Variants in TRIM56 observed in about 807,000 individuals in gnomAD.
The protein encoded by TRIM56 is tripartite motif containing 56.
TRIM56 carries 10 observed loss-of-function variants against 17.1 expected under a neutral mutation model. That is an observed-to-expected ratio of 0.58 (90% CI 0.36 to 0.99). The LOEUF (loss-of-function observed/expected upper bound fraction) is 0.99. Among genes scored for constraint, TRIM56 ranks in the 50% least tolerant of loss-of-function variants. The pLI, the probability that TRIM56 is intolerant of heterozygous loss-of-function variation, is 0.01. For synonymous variants in TRIM56, 503 were observed against 473.5 expected (o/e 1.06, Z -0.81); for missense variants, 923 against 1,052.3 (o/e 0.88, Z 1.70).
chr7:101,085,733 G>A (rs1270617071), intron 1 of TRIM56, among the ~76,000 whole-genome samples, 162 bp downstream of exon 1: 1 of 151,912 alleles, frequency 6.6e-6, no homozygotes, highest in Non-Finnish European at 1.5e-5. Flanking sequence ...AACTGCACTC[G>A]CCTCCCTCCC....
In TRIM56 at chr7:101,093,477, C is replaced by A. The variant is rs867180369; in HGVS notation, c.*3897C>A. On this transcript the variant is annotated 3_prime_UTR_variant, in exon 3 of 3. Transcript: ENST00000306085. ...CAAAGAACCACATAAGCTCTGTACC[C>A]TGGAGGAAATGTATGCAGGCAAGGA... The A allele has an allele frequency of 4.0e-5, 6 of 151,144 alleles. No individual in the cohort carries two copies. Among genetic ancestry groups the A allele is most frequent in the African/African-American group, 1.5e-4 (6 of 41,188 alleles). The allele number at this position is 151,144 out of a possible 1,614,324, so 9.4% of individuals were successfully genotyped here.
In TRIM56 at chr7:101,094,902, G is replaced by A. The variant is rs1183940806; in HGVS notation, c.*5322G>A. 1.3e-5 allele frequency: 2 copies of A among 151,976 alleles called. No individual in the cohort carries two copies. Among genetic ancestry groups the A allele is most frequent in the Non-Finnish European group, 2.9e-5 (2 of 68,028 alleles). The allele number at this position is 151,976 out of a possible 1,614,324, so 9.4% of individuals were successfully genotyped here. On this transcript the variant is annotated 3_prime_UTR_variant, in exon 3 of 3. Transcript: ENST00000306085. ...CCAGCACTGTGATACCTCATAGTAG[G>A]TGCTCAGTGAATGTCTGTGAAGTGA...
chr7:101,096,581 T>C lies in TRIM56; in HGVS notation c.*7001T>C, dbSNP rs1277874282. 1 of 152,228 alleles carries C rather than the reference T, an allele frequency of 6.6e-6. No homozygotes were observed. The highest frequency in any genetic ancestry group is 1.9e-4 in the East Asian group (1 of 5,202). 9.4% of individuals were successfully genotyped at this position (152,228 alleles called of 1,614,324 possible). On this transcript the variant is annotated 3_prime_UTR_variant, in exon 3 of 3. Transcript: ENST00000306085. ...ACATGCCCACTTCACAGAGCTGCTG[T>C]GAGGACTGGATGAGAAATGTAGAGA...
rs1341521024 is a variant in TRIM56, at chr7:101,091,828, C to A, written c.*2248C>A. The A allele has an allele frequency of 3.2e-5, 13 of 407,550 alleles. No homozygotes were observed. The East Asian group carries it at 9.3e-4, about 29-fold the overall frequency. 25.2% of individuals were successfully genotyped at this position (407,550 alleles called of 1,614,324 possible). On this transcript the variant is annotated 3_prime_UTR_variant, in exon 3 of 3. Coordinates refer to ENST00000306085, the MANE Select transcript of TRIM56 (RefSeq NM_030961.3). ...CTCTTTCCATGGTCACGGTCTCCCT[C>A]TGATGCCGAGCCGAAGCTGGACTGT...
At chr7:101,086,174 A>T (rs1795445545) in intron 1 of TRIM56, among the ~76,000 whole-genome samples, 1 of 152,158 alleles carries the variant, frequency 6.6e-6, no homozygotes, top group Admixed American at 6.5e-5. Context: ...GAAGGCCGAG[A>T]CGGGAGGATA....
At position 101,087,470 on chromosome 7, in the gene TRIM56, G is replaced by A. The variant is rs760328889; in HGVS notation, c.158G>A (p.Arg53His). Residue 53 changes from arginine (R) to histidine (H), a missense_variant, in exon 3 of 3, where the codon CGC becomes CAC. By Grantham distance (29) the Arg-to-His change is conservative. This residue lies in a region of TRIM56 where 98 missense variants were observed against 143.6 expected (regional missense o/e 0.68). Coordinates refer to ENST00000306085, the MANE Select transcript of TRIM56 (RefSeq NM_030961.3). Reference sequence around the variant, plus strand: ...CTGGCACAGCTGGCGGATGGCGGCCGCGTCCGCTGCCCCGAGTGCCGCGAG... The same window carrying A: ...CTGGCACAGCTGGCGGATGGCGGCCACGTCCGCTGCCCCGAGTGCCGCGAG... ...DCLAQLADGG[R>H]VRCPECRETV... 28 of 1,613,186 alleles carry A rather than the reference G, an allele frequency of 1.7e-5. No homozygotes were observed. Among genetic ancestry groups the A allele is most frequent in the South Asian group, 1.5e-4 (14 of 91,066 alleles).
At position 101,092,871 on chromosome 7, in the gene TRIM56, C is replaced by G. The variant is rs1169966445; in HGVS notation, c.*3291C>G. ...GCTCATTGAGAACGGGCCATGATGA[C>G]GATGGCGGTTTTGTGGAATAGAAAA... On this transcript the variant is annotated 3_prime_UTR_variant, in exon 3 of 3. Transcript: ENST00000306085. 16 of 174,530 alleles carry G rather than the reference C, an allele frequency of 9.2e-5. No individual in the cohort carries two copies. Among genetic ancestry groups the G allele is most frequent in the Non-Finnish European group, 9.4e-5 (8 of 84,838 alleles). 10.8% of individuals were successfully genotyped at this position (174,530 alleles called of 1,614,324 possible). A position where few individuals can be genotyped will look rare whatever the true frequency, so the allele number is the denominator to read the frequency against.
Position 101,090,833 on chromosome 7 carries a change from T to G in TRIM56, c.*1253T>G, listed in dbSNP as rs1795551874. On this transcript the variant is annotated 3_prime_UTR_variant, in exon 3 of 3. Transcript: ENST00000306085. ...AATCTCTAGGCTCCAACGCTTCTGCTTCGGTGTCTTTCCATTTCCCAGGGT... is the reference window on the plus strand; with the variant it reads ...AATCTCTAGGCTCCAACGCTTCTGCGTCGGTGTCTTTCCATTTCCCAGGGT... The G allele has an allele frequency of 6.6e-6, 1 of 152,194 alleles. No homozygotes were observed. Among genetic ancestry groups the G allele is most frequent in the Non-Finnish European group, 1.5e-5 (1 of 68,054 alleles). 9.4% of individuals were successfully genotyped at this position (152,194 alleles called of 1,614,324 possible).
rs1367556297 is a variant in TRIM56 at position 101,095,447 on chromosome 7, G to A, written c.*5867G>A. 2 of 152,432 alleles carry A rather than the reference G, an allele frequency of 1.3e-5. No homozygotes were observed. Among genetic ancestry groups the A allele is most frequent in the Non-Finnish European group, 1.5e-5 (1 of 68,128 alleles). 9.4% of individuals were successfully genotyped at this position (152,432 alleles called of 1,614,324 possible). On this transcript the variant is annotated 3_prime_UTR_variant, in exon 3 of 3. Transcript: ENST00000306085. ...CTGTGCATGTGGAGGGGGTAACTGG[G>A]AACCGTGTACTGTAGGGGATCGCAC...
chr7:101,087,064 C>T lies in TRIM56; in HGVS notation c.-106C>T. ...CATTTTTACGTTTGCTGGATGTACA[C>T]ACGGAAGTGGAGGAGGAGGAGGAGA... On this transcript the variant is annotated 5_prime_UTR_variant, in exon 2 of 3. Coordinates refer to ENST00000306085, the MANE Select transcript of TRIM56 (RefSeq NM_030961.3). 1.9e-6 allele frequency: 1 copy of T among 538,080 alleles called. No individual in the cohort carries two copies. Among genetic ancestry groups the T allele is most frequent in the Non-Finnish European group, 3.3e-6 (1 of 302,392 alleles). 33.3% of individuals were successfully genotyped at this position (538,080 alleles called of 1,614,324 possible).
rs199673814 is a variant in TRIM56, at chr7:101,088,851, C to G, written c.1539C>G (p.Leu513=). ...GDKRSPRITG[L]CPFGPREILV... is the part of the protein sequence containing the mutation. ...AGCGGTCCCCCCGGATCACCGGGCT[C>G]TGTCCCTTCGGTCCCCGGGAGATCC... Residue 513 remains leucine, a synonymous_variant, in exon 3 of 3, where the codon CTC becomes CTG. Coordinates refer to ENST00000306085, the MANE Select transcript of TRIM56 (RefSeq NM_030961.3). The G allele has an allele frequency of 5.0e-6, 8 of 1,613,884 alleles. No homozygotes were observed. The highest frequency in any genetic ancestry group is 1.1e-5 in the South Asian group (1 of 91,084).
chr7:101,087,640 A>G lies in TRIM56; in HGVS notation c.328A>G (p.Thr110Ala). ...TGCCCTGTGTCCCCTGGTGGGTGGCACCAGCACCGGGGGGCCGGCCACGGC... is the reference window on the plus strand; with the variant it reads ...TGCCCTGTGTCCCCTGGTGGGTGGCGCCAGCACCGGGGGGCCGGCCACGGC... ...ACALCPLVGGTSTGGPATARC... is the reference protein window; with the variant it reads ...ACALCPLVGGASTGGPATARC... Residue 110 changes from threonine to alanine, a missense_variant, in exon 3 of 3, where the codon ACC (threonine) becomes GCC (alanine). Coordinates refer to ENST00000306085, the MANE Select transcript of TRIM56 (RefSeq NM_030961.3). 1 of 1,610,096 alleles carries G rather than the reference A, an allele frequency of 6.2e-7. No homozygotes were observed. Among genetic ancestry groups the G allele is most frequent in the Non-Finnish European group, 8.5e-7 (1 of 1,178,628 alleles).
Position 101,088,178 on chromosome 7 carries a change from G to C in TRIM56, c.866G>C (p.Arg289Pro), listed in dbSNP as rs558501923. The C allele has an allele frequency of 6.7e-6, 10 of 1,492,264 alleles. No individual in the cohort carries two copies. Among genetic ancestry groups the C allele is most frequent in the African/African-American group, 1.4e-5 (1 of 71,770 alleles). The allele number at this position is 1,492,264 out of a possible 1,614,324, so 92.4% of individuals were successfully genotyped here. Residue 289 changes from arginine to proline, a missense_variant, in exon 3 of 3, where the codon CGG becomes CCG. By Grantham distance (103) the Arg-to-Pro change is moderately radical. This residue lies in a region of TRIM56 where 643 missense variants were observed against 665.6 expected (regional missense o/e 0.97). Coordinates refer to ENST00000306085, the MANE Select transcript of TRIM56 (RefSeq NM_030961.3). ...GTGGAGGCTGCCGAAGAAGCTGCTC[G>C]GGAGAGGCTGGCGGAGCTTGAGGGC... ...AHVEAAEEAA[R>P]ERLAELEGRE...
chr7:101,089,863 G>A lies in TRIM56; in HGVS notation c.*283G>A, dbSNP rs936600926. The A allele has an allele frequency of 6.8e-5, 28 of 413,684 alleles. No individual in the cohort carries two copies. In the South Asian group the frequency reaches 7.6e-4, roughly 11 times the overall value. The allele number at this position is 413,684 out of a possible 1,614,324, so 25.6% of individuals were successfully genotyped here. A position where few individuals can be genotyped will look rare whatever the true frequency, so the allele number is the denominator to read the frequency against. ...TTTGTGGGTGGCTGCTGCCACCACC[G>A]CCGCTGCTATATAGTTTAGGTTTCT... is the stretch of plus-strand genomic sequence containing the variant. On this transcript the variant is annotated 3_prime_UTR_variant, in exon 3 of 3. Transcript: ENST00000306085.
Position 101,094,536 on chromosome 7 carries a change from C to T in TRIM56, c.*4956C>T, listed in dbSNP as rs568018645. 2.0e-5 allele frequency: 3 copies of T among 152,194 alleles called. No individual in the cohort carries two copies. The highest frequency in any genetic ancestry group is 6.5e-5 in the Admixed American group (1 of 15,280). The allele number at this position is 152,194 out of a possible 1,614,324, so 9.4% of individuals were successfully genotyped here. On this transcript the variant is annotated 3_prime_UTR_variant, in exon 3 of 3. Coordinates refer to ENST00000306085, the MANE Select transcript of TRIM56 (RefSeq NM_030961.3). ...GGGTTTGAGAATGAAGGTGTCAGAA[C>T]GAATGAGATTGTCCTATGAAAGAAG... is the stretch of plus-strand genomic sequence containing the variant.
At position 101,088,327 on chromosome 7, in the gene TRIM56, C is replaced by A; in HGVS notation, c.1015C>A (p.Pro339Thr). ...GCGGCTCAGGCAGCTGCAGGGCTGC[C>A]CCTGGGCACCAGGCCCGGCCCCCTG... ...AQRLRQLQGC[P>T]WAPGPAPCLL... The change falls in exon 3 of 3, where the codon CCC becomes ACC. Residue 339 changes from proline (P) to threonine (T), a missense_variant. Physicochemically the swap from Pro to Thr is conservative, Grantham distance 38. Coordinates refer to ENST00000306085, the MANE Select transcript of TRIM56 (RefSeq NM_030961.3). 1.3e-6 allele frequency: 2 copies of A among 1,529,654 alleles called. No individual in the cohort carries two copies. The highest frequency in any genetic ancestry group is 2.3e-5 in the East Asian group (1 of 44,076). 94.8% of individuals were successfully genotyped at this position (1,529,654 alleles called of 1,614,324 possible).
rs1238046836 is a variant in TRIM56, at chr7:101,085,487, G to C, written c.-249G>C. 1 of 152,498 alleles carries C rather than the reference G, an allele frequency of 6.6e-6. No homozygotes were observed. The highest frequency in any genetic ancestry group is 1.5e-5 in the Non-Finnish European group (1 of 68,338). The allele number at this position is 152,498 out of a possible 1,614,324, so 9.4% of individuals were successfully genotyped here. A position where few individuals can be genotyped will look rare whatever the true frequency, so the allele number is the denominator to read the frequency against. On this transcript the variant is annotated 5_prime_UTR_variant, in exon 1 of 3. Coordinates refer to ENST00000306085, the MANE Select transcript of TRIM56 (RefSeq NM_030961.3). The stretch of plus-strand genomic sequence containing the variant: ...CACAAGTACAATTAGTTTCAGTTTT[G>C]TTTCTTTTCCAGGCACCCAGCAACG...
At position 101,087,414 on chromosome 7, in the gene TRIM56, G is replaced by C; in HGVS notation, c.102G>C (p.Leu34=). Residue 34 remains leucine (L), a synonymous_variant, in exon 3 of 3, where the codon CTG becomes CTC. Coordinates refer to ENST00000306085, the MANE Select transcript of TRIM56 (RefSeq NM_030961.3). ...AGCAGCTGCGGGCACCCAAGACACTGCCCTGCCTGCATACCTACTGCCAAG... is the reference window on the plus strand; with the variant it reads ...AGCAGCTGCGGGCACCCAAGACACTCCCCTGCCTGCATACCTACTGCCAAG... ...CLEQLRAPKT[L]PCLHTYCQDC... 1 of 1,612,766 alleles carries C rather than the reference G, an allele frequency of 6.2e-7. No individual in the cohort carries two copies. Among genetic ancestry groups the C allele is most frequent in the Non-Finnish European group, 8.5e-7 (1 of 1,179,996 alleles).
At position 101,089,246 on chromosome 7, in the gene TRIM56, A is replaced by G. The variant is rs533226534; in HGVS notation, c.1934A>G (p.Gln645Arg). ...RALVFLTTSP[Q>R]GHFVGSDWQQ... ...CTGGTGTTTCTGACCACCAGCCCCC[A>G]GGGGCATTTCGTGGGGTCGGACTGG... is the stretch of plus-strand genomic sequence containing the variant. The change falls in exon 3 of 3, where the codon CAG becomes CGG. Residue 645 changes from glutamine to arginine, a missense_variant. By Grantham distance (43) the Gln-to-Arg change is conservative. Coordinates refer to ENST00000306085, the MANE Select transcript of TRIM56 (RefSeq NM_030961.3). 5.0e-6 allele frequency: 8 copies of G among 1,612,790 alleles called. No individual in the cohort carries two copies. The South Asian group carries it at 7.7e-5, about 16-fold the overall frequency.
Sources: allele counts gnomAD v4.1 joint callset (sites outside exome capture counted in the v4.1 genomes callset), GRCh38; gene constraint gnomAD v4.1.1; regional missense constraint gnomAD v4.1.1; transcripts MANE v1.5; gene names NCBI Gene and HGNC (gene_info 2026-07-23, HGNC 2026-07-21).